GRAMD4: variants seen among roughly 807,000 people sequenced by gnomAD.
The protein encoded by GRAMD4 is GRAM domain-containing protein 4.
GRAMD4 carries 25 observed loss-of-function variants against 83.9 expected under a neutral mutation model. The observed-to-expected ratio is 0.30, with a 90% confidence interval of 0.22 to 0.42. GRAMD4 has a LOEUF of 0.42. GRAMD4 is among the 10% of genes least tolerant of loss of function. The pLI is 1.00. For synonymous variants in GRAMD4, 336 were observed against 320.9 expected, an observed-to-expected ratio of 1.05 and a Z score of -0.50; for missense variants, 593 against 788.7, an observed-to-expected ratio of 0.75 and a Z score of 2.97.
Position 46,622,588 on chromosome 22 carries a change from G to A in GRAMD4, c.-50+2023G>A, listed in dbSNP as rs1413662972. On this transcript the variant is annotated intron_variant, in intron 1 of 18. Transcript: ENST00000406902. The surrounding 1 kb of genome is among the most constrained non-coding windows in gnomAD (Gnocchi z 4.0). ...GAGGCAGCCGCTCAGCATCACAGAT[G>A]TAATTTATGCCACGGAGCTGCACGC... Among the ~76,000 whole-genome samples, 1 of 152,166 alleles carries A rather than the reference G, an allele frequency of 6.6e-6. No individual in the cohort carries two copies. The highest frequency in any genetic ancestry group is 1.5e-5 in the Non-Finnish European group (1 of 68,034).
chr22:46,642,700 G>A (rs184169924), intron 3 of GRAMD4, among the ~76,000 whole-genome samples: 3 of 152,306 alleles, frequency 2.0e-5, no homozygotes, highest in Admixed American at 2.0e-4. Context: ...AGTCAGTACA[G>A]AGTTGGGTGC....
intron 2 of GRAMD4, among the ~76,000 whole-genome samples, chr22:46,637,588 T>G (rs2081909681): frequency 6.6e-6 from 1 of 152,344 alleles, no homozygotes; most frequent in Middle Eastern, 3.4e-3. Flanking sequence ...GCTCTGAGGA[T>G]ATCCACATTC....
intron 3 of GRAMD4, among the ~76,000 whole-genome samples, chr22:46,643,474 C>G (rs2082021200): frequency 6.6e-6 from 1 of 152,214 alleles, no homozygotes; most frequent in South Asian, 2.1e-4. Context: ...ATTCTCTTAT[C>G]TAACTTCAGG....
chr22:46,584,994 C>T (rs368368261), intron 1 of GRAMD4, among the ~76,000 whole-genome samples: 9 of 152,310 alleles, frequency 5.9e-5, no homozygotes, highest in East Asian at 3.9e-4. Flanking sequence ...TGGCAGGGGA[C>T]GGCCTTTGAA....
chr22:46,626,636 T>C, intron 1 of GRAMD4, 115 bp from the exon 2 acceptor site: 3 of 609,124 alleles, frequency 4.9e-6, no homozygotes, highest in South Asian at 4.0e-5. Context: ...CAGGGCGGGG[T>C]CTCTGGGTCG....
At chr22:46,657,329 G>T (rs2082258638) in intron 3 of GRAMD4, among the ~76,000 whole-genome samples, 1 of 152,256 alleles carries the variant, frequency 6.6e-6, no homozygotes, top group African/African-American at 2.4e-5. Context: ...GGCAGTGGGG[G>T]AGAAGCAAGG....
At chr22:46,647,592 G>A (rs1466470976) in intron 3 of GRAMD4, among the ~76,000 whole-genome samples, 3 of 152,260 alleles carry the variant, frequency 2.0e-5, no homozygotes, top group East Asian at 1.9e-4. Context: ...TGCAACGGCT[G>A]CAGGTCCTGG....
downstream of GRAMD4, among the ~76,000 whole-genome samples, chr22:46,680,581 T>TACATCCACCCACCCAC (rs2082657287): frequency 6.5e-5 from 1 of 15,404 alleles, no homozygotes; most frequent in African/African-American, 2.6e-4. Context: ...CATCCATCCA[T>TACATCCACCCACCCAC]CCATCCATCC....
intron 1 of GRAMD4, among the ~76,000 whole-genome samples, chr22:46,624,138 T>C (rs1216992674): frequency 9.9e-5 from 15 of 152,118 alleles, no homozygotes; most frequent in Admixed American, 9.8e-4. Flanking sequence ...ATTTGTTACC[T>C]GTATTCCTTG....
chr22:46,589,126 G>C (rs947273568), intron 1 of GRAMD4, among the ~76,000 whole-genome samples: 10 of 152,038 alleles, frequency 6.6e-5, no homozygotes, highest in African/African-American at 2.4e-4. Context: ...CCAGCCTGCT[G>C]GTGCTCCAGG....
Position 46,673,781 on chromosome 22 carries a change from T to C in GRAMD4, c.1351T>C (p.Phe451Leu). The C allele has an allele frequency of 6.2e-7, 1 of 1,613,124 alleles. No individual in the cohort carries two copies. The highest frequency in any genetic ancestry group is 8.5e-7 in the Non-Finnish European group (1 of 1,179,982). The change falls in exon 15 of 19, where the codon TTC becomes CTC. Residue 451 changes from phenylalanine to leucine, a missense_variant. Around this residue, in one of 4 missense-constraint regions of GRAMD4, gnomAD observed 171 missense variants for 199.6 expected, o/e 0.86. Transcript: ENST00000406902. ...STKKGNFHEIFNLTENERPLA... is the reference protein window; with the variant it reads ...STKKGNFHEILNLTENERPLA... ...CAAGAAGGGCAATTTCCACGAGATC[T>C]TCAATCTGACAGAAAACGAGCGTCC...
chr22:46,625,827 C>T (rs377010023), intron 1 of GRAMD4, among the ~76,000 whole-genome samples: 5 of 152,350 alleles, frequency 3.3e-5, no homozygotes, highest in East Asian at 3.9e-4. Context: ...GGTCGGGCAG[C>T]GATGTGGGGA....
chr22:46,678,130 C>CGA lies in GRAMD4; in HGVS notation c.*881_*882dup. On this transcript the variant is annotated 3_prime_UTR_variant, in exon 19 of 19. Transcript: ENST00000406902. ...TCCGCGAAGGCTGTTGGAGGTGCTC[C>CGA]GAGCACTGTGGCATGTCTGGCACAT... 1 of 985,610 alleles carries CGA rather than the reference C, an allele frequency of 1.0e-6. No individual in the cohort carries two copies. The highest frequency in any genetic ancestry group is 1.2e-6 in the Non-Finnish European group (1 of 830,050). The allele number at this position is 985,610 out of a possible 1,614,324, so 61.1% of individuals were successfully genotyped here.
intron 1 of GRAMD4, among the ~76,000 whole-genome samples, chr22:46,593,221 C>T (rs1313088238): frequency 6.6e-6 from 1 of 152,066 alleles, no homozygotes; most frequent in Non-Finnish European, 1.5e-5. Flanking sequence ...GTCGTAAGTT[C>T]TGACTTTGAG....
At chr22:46,669,198 CAG>C (rs1311132849) in intron 13 of GRAMD4, among the ~76,000 whole-genome samples, 1 of 152,174 alleles carries the variant, frequency 6.6e-6, no homozygotes, top group Non-Finnish European at 1.5e-5. Context: ...CTTGGGGTGT[CAG>C]GGAATTGCCC....
chr22:46,577,394 T>TCC, intron 1 of GRAMD4: 1 of 436,082 alleles, frequency 2.3e-6, no homozygotes, highest in Non-Finnish European at 2.5e-6. Context: ...GGCCGCGCTC[T>TCC]CCCCGCCGCC....
At chr22:46,627,075 G>A (rs2081674537) in intron 2 of GRAMD4, 114 bp downstream of exon 2, 4 of 735,812 alleles carry the variant, frequency 5.4e-6, no homozygotes, top group African/African-American at 5.2e-5. Context: ...GGTCAGAGAT[G>A]GACTGGGCCT....
chr22:46,610,466 A>G (rs954962190), intron 1 of GRAMD4, among the ~76,000 whole-genome samples: 1 of 152,248 alleles, frequency 6.6e-6, no homozygotes, highest in Non-Finnish European at 1.5e-5. Flanking sequence ...GCACCACAGC[A>G]GAGTTGGGAA....
upstream of GRAMD4, among the ~76,000 whole-genome samples, chr22:46,575,840 C>A (rs1233277687): frequency 6.6e-6 from 1 of 152,210 alleles, no homozygotes; most frequent in Admixed American, 6.5e-5. Flanking sequence ...ACTGGGTCCC[C>A]AGTTCTGCAG....
Sources: gnomAD v4.1 joint callset for allele counts (sites outside exome capture counted in the v4.1 genomes callset) on GRCh38, gnomAD v4.1.1 for gene constraint, gnomAD v4.1.1 regional missense constraint, Gnocchi (gnomAD v3.1) non-coding constraint, MANE v1.5 for transcripts, NCBI Gene and HGNC (gene_info 2026-07-23, HGNC 2026-07-21) for gene names.